KIRREL3: variants seen among roughly 807,000 people sequenced by gnomAD.
The protein encoded by KIRREL3 is kin of IRRE-like protein 3.
A neutral mutation model predicts 89.7 loss-of-function variants in KIRREL3; 36 were observed. The observed-to-expected ratio is 0.40, with a 90% confidence interval of 0.31 to 0.53. The LOEUF is 0.53. Ranked by LOEUF, KIRREL3 falls within the 20% of genes least tolerant of loss-of-function variation. The probability of loss-of-function intolerance (pLI) is 0.49; values close to 1 mark genes in which losing one functional copy is unlikely to be tolerated. For missense variants in KIRREL3, 864 were observed against 1,056.6 expected, an observed-to-expected ratio of 0.82 and a Z score of 2.53; for synonymous variants, 445 against 441.4, an observed-to-expected ratio of 1.01 and a Z score of -0.10.
intron 1 of KIRREL3, among the ~76,000 whole-genome samples, chr11:126,646,690 G>T (rs1448138798): frequency 2.0e-5 from 3 of 152,018 alleles, no homozygotes; most frequent in African/African-American, 7.3e-5. Flanking sequence ...GGCCAGACTG[G>T]TCTCGAACTC....
chr11:126,889,675 T>C (rs1945835453), intron 1 of KIRREL3, among the ~76,000 whole-genome samples: 3 of 152,210 alleles, frequency 2.0e-5, no homozygotes, highest in South Asian at 4.2e-4. Flanking sequence ...GTACGTTTTA[T>C]TGGAACCTGC....
chr11:126,500,752 A>AAG (rs1216931281), intron 4 of KIRREL3, among the ~76,000 whole-genome samples: 1 of 151,642 alleles, frequency 6.6e-6, no homozygotes, highest in East Asian at 1.9e-4. Flanking sequence ...AAAAAAAAAA[A>AAG]AAGAAAAAGA....
chr11:126,820,248 C>CCGGAGTTG (rs1943162444), intron 1 of KIRREL3, among the ~76,000 whole-genome samples: 1 of 152,088 alleles, frequency 6.6e-6, no homozygotes, highest in Non-Finnish European at 1.5e-5. Context: ...CAGGGTTAAC[C>CCGGAGTTG]CGGAGTTGCA....
chr11:126,787,865 A>G (rs1950527702), intron 1 of KIRREL3, among the ~76,000 whole-genome samples: 2 of 152,214 alleles, frequency 1.3e-5, no homozygotes, highest in Non-Finnish European at 2.9e-5. Context: ...ACTCTGACAT[A>G]TCTGCTCTTC....
rs1225694925 is a variant in KIRREL3, at chr11:126,605,605, C to T, written c.56-42693G>A. Among the ~76,000 whole-genome samples, 1 of 152,202 alleles carries T rather than the reference C, an allele frequency of 6.6e-6. No homozygotes were observed. The highest frequency in any genetic ancestry group is 1.5e-5 in the Non-Finnish European group (1 of 68,034). On this transcript the variant is annotated intron_variant, in intron 1 of 16. Transcript: ENST00000525144. This position sits in a 1 kb window ranked among gnomAD's most constrained non-coding sequence, Gnocchi z 5.7. ...CACTTCATTTCCCAGAGACAACCGG[C>T]GCGTTTTAATAATGTCTACTTGGGT...
rs11220578 is a variant in KIRREL3, at chr11:126,669,241, T to C, written c.56-106329A>G. Among the ~76,000 whole-genome samples, 13,818 of 152,134 alleles carry C rather than the reference T, an allele frequency of 0.091. 681 individuals are homozygous for C. Among genetic ancestry groups the C allele is most frequent in the Middle Eastern group, 0.13 (38 of 294 alleles). On this transcript the variant is annotated intron_variant, in intron 1 of 16. Coordinates refer to ENST00000525144, the MANE Select transcript of KIRREL3 (RefSeq NM_032531.4). This position sits in a 1 kb window ranked among gnomAD's most constrained non-coding sequence, Gnocchi z 5.0. ...GGAGTTGTTAGACCCATTGAACAGA[T>C]GAAAATAAAAGGGGTCTCTAGATCT...
In KIRREL3 at chr11:126,431,231, C is replaced by T. The variant is rs891133713; in HGVS notation, c.1696+188G>A. 6.6e-7 allele frequency: 1 copy of T among 1,515,580 alleles called. No homozygotes were observed. The highest frequency in any genetic ancestry group is 8.9e-7 in the Non-Finnish European group (1 of 1,125,992). The allele number at this position is 1,515,580 out of a possible 1,614,324, so 93.9% of individuals were successfully genotyped here. On this transcript the variant is annotated intron_variant, in intron 14 of 16. Coordinates refer to ENST00000525144, the MANE Select transcript of KIRREL3 (RefSeq NM_032531.4). This position sits in a 1 kb window ranked among gnomAD's most constrained non-coding sequence, Gnocchi z 7.1. ...CAGGTCAACCTCAGCCTAGCGCCCA[C>T]TCTGCCAGGCGCCATGTTGCCCAGG...
rs1946635360 is a variant in KIRREL3 at position 126,685,598 on chromosome 11, C to T, written c.56-122686G>A. Reference sequence around the variant, plus strand: ...TCCTCCTCTCTTTCCCCTGCCAGGGCAGGCTTGGCACTTCCCAGGATTACA... The same window carrying T: ...TCCTCCTCTCTTTCCCCTGCCAGGGTAGGCTTGGCACTTCCCAGGATTACA... On this transcript the variant is annotated intron_variant, in intron 1 of 16. Transcript: ENST00000525144. This position sits in a 1 kb window ranked among gnomAD's most constrained non-coding sequence, Gnocchi z 5.5. Among the ~76,000 whole-genome samples, 1 of 152,214 alleles carries T rather than the reference C, an allele frequency of 6.6e-6. No homozygotes were observed. Among genetic ancestry groups the T allele is most frequent in the African/African-American group, 2.4e-5 (1 of 41,444 alleles).
At position 126,609,139 on chromosome 11, in the gene KIRREL3, C is replaced by T. The variant is rs544962899; in HGVS notation, c.56-46227G>A. On this transcript the variant is annotated intron_variant, in intron 1 of 16. Coordinates refer to ENST00000525144, the MANE Select transcript of KIRREL3 (RefSeq NM_032531.4). This position sits in a 1 kb window ranked among gnomAD's most constrained non-coding sequence, Gnocchi z 5.0. ...GAGCACTGCAGCGAGACCTGACCAC[C>T]GCCCAGCCCAGGTTGGGTTTGTTTT... Among the ~76,000 whole-genome samples the T allele has an allele frequency of 2.7e-3, 418 of 152,252 alleles. 2 individuals carry two copies. The highest frequency in any genetic ancestry group is 4.5e-3 in the Non-Finnish European group (305 of 68,012).
chr11:126,446,727 G>A (rs763482184), intron 9 of KIRREL3, 32 bp downstream of exon 9: 1 of 1,581,724 alleles, frequency 6.3e-7, no homozygotes, highest in South Asian at 1.2e-5. Context: ...CCCCCTGCCA[G>A]AGGTGCCCCG....
In KIRREL3 at chr11:126,723,043, C is replaced by A. The variant is rs1055366530; in HGVS notation, c.56-160131G>T. Among the ~76,000 whole-genome samples the A allele has an allele frequency of 1.3e-5, 2 of 152,194 alleles. No homozygotes were observed. Among genetic ancestry groups the A allele is most frequent in the Non-Finnish European group, 2.9e-5 (2 of 68,040 alleles). On this transcript the variant is annotated intron_variant, in intron 1 of 16. Transcript: ENST00000525144. The surrounding 1 kb of genome is among the most constrained non-coding windows in gnomAD (Gnocchi z 4.0). ...TTTCTTCATCTATTCCTCTTACAGT[C>A]TTCTGTGGCTGCACATAGTGTACGG...
rs1363119053 is a variant in KIRREL3, at chr11:126,550,909, G to A, written c.133+11926C>T. Reference sequence around the variant, plus strand: ...AGATAGTGTCAGATCCCACAGGCTGGGGGCTCAGTCCCCAAGACTTCCCCC... The same window carrying A: ...AGATAGTGTCAGATCCCACAGGCTGAGGGCTCAGTCCCCAAGACTTCCCCC... On this transcript the variant is annotated intron_variant, in intron 2 of 16. Transcript: ENST00000525144. The surrounding 1 kb of genome is among the most constrained non-coding windows in gnomAD (Gnocchi z 4.9). Among the ~76,000 whole-genome samples, 1 of 152,066 alleles carries A rather than the reference G, an allele frequency of 6.6e-6. No homozygotes were observed. Among genetic ancestry groups the A allele is most frequent in the East Asian group, 1.9e-4 (1 of 5,162 alleles).
At position 126,700,085 on chromosome 11, in the gene KIRREL3, A is replaced by C. The variant is rs144339108; in HGVS notation, c.56-137173T>G. On this transcript the variant is annotated intron_variant, in intron 1 of 16. Coordinates refer to ENST00000525144, the MANE Select transcript of KIRREL3 (RefSeq NM_032531.4). ...GGCTCATGCCTGTGGTCCCAGCTAC[A>C]TGGGAGGTTGAGGCAGGAGGATGGC... is the stretch of plus-strand genomic sequence containing the variant. Among the ~76,000 whole-genome samples, 538 of 152,094 alleles carry C rather than the reference A, an allele frequency of 3.5e-3. 4 individuals are homozygous for C. The highest frequency in any genetic ancestry group is 6.5e-3 in the Non-Finnish European group (442 of 67,944).
At position 126,860,728 on chromosome 11, in the gene KIRREL3, C is replaced by G. The variant is rs1944676477; in HGVS notation, c.55+139727G>C. On this transcript the variant is annotated intron_variant, in intron 1 of 16. Transcript: ENST00000525144. This position sits in a 1 kb window ranked among gnomAD's most constrained non-coding sequence, Gnocchi z 4.6. ...CAACCACAGGGTGGAGAATGGGTGG[C>G]AGGCCAGTGAGGAGGCTCCTGCCCT... Among the ~76,000 whole-genome samples, 1 of 152,160 alleles carries G rather than the reference C, an allele frequency of 6.6e-6. No homozygotes were observed. Among genetic ancestry groups the G allele is most frequent in the South Asian group, 2.1e-4 (1 of 4,826 alleles).
chr11:126,660,663 A>G (rs1316161574), intron 1 of KIRREL3, among the ~76,000 whole-genome samples: 2 of 152,126 alleles, frequency 1.3e-5, no homozygotes, highest in Non-Finnish European at 2.9e-5. Context: ...CGACCTGACC[A>G]TTCTCAGGCC....
chr11:126,889,390 G>A (rs1055300071), intron 1 of KIRREL3, among the ~76,000 whole-genome samples: 1 of 152,116 alleles, frequency 6.6e-6, no homozygotes, highest in Non-Finnish European at 1.5e-5. Flanking sequence ...TCATTACTGC[G>A]TGATCAGTAG....
intron 1 of KIRREL3, among the ~76,000 whole-genome samples, chr11:126,672,280 C>T (rs1449680933): frequency 1.3e-5 from 2 of 152,108 alleles, no homozygotes; most frequent in South Asian, 2.1e-4. Context: ...TATAAAGACC[C>T]TAAAGTTGGG....
Position 126,965,051 on chromosome 11 carries a change from G to A in KIRREL3, c.55+35404C>T, listed in dbSNP as rs113118772. ...AAAGTGTTGTACTCCCAACTCAACA[G>A]ATGGGATATTAGAGCCAAGAAAAAG... On this transcript the variant is annotated intron_variant, in intron 1 of 16. Transcript: ENST00000525144. The surrounding 1 kb of genome is among the most constrained non-coding windows in gnomAD (Gnocchi z 4.4). Among the ~76,000 whole-genome samples, 2 of 152,164 alleles carry A rather than the reference G, an allele frequency of 1.3e-5. No individual in the cohort carries two copies. The highest frequency in any genetic ancestry group is 2.9e-5 in the Non-Finnish European group (2 of 68,026).
chr11:126,837,523 C>CT lies in KIRREL3; in HGVS notation c.55+162931dup. 6.6e-6 allele frequency among the ~76,000 whole-genome samples: 1 copy of CT among 152,280 alleles called. No individual in the cohort carries two copies. Among genetic ancestry groups the CT allele is most frequent in the Middle Eastern group, 3.4e-3 (1 of 294 alleles). ...TAATTACGAGGGAATCGGATCTTGT[C>CT]TAGGACACAGGTCCAGATTTAAAAG... On this transcript the variant is annotated intron_variant, in intron 1 of 16. Coordinates refer to ENST00000525144, the MANE Select transcript of KIRREL3 (RefSeq NM_032531.4). The surrounding 1 kb of genome is among the most constrained non-coding windows in gnomAD (Gnocchi z 4.7).
Sources: allele counts gnomAD v4.1 joint callset (sites outside exome capture counted in the v4.1 genomes callset), GRCh38; gene constraint gnomAD v4.1.1; non-coding constraint Gnocchi (gnomAD v3.1); transcripts MANE v1.5; gene names NCBI Gene and HGNC (gene_info 2026-07-23, HGNC 2026-07-21).